Variants in CAMK2G observed in about 807,000 individuals in gnomAD.
CAMK2G encodes calcium/calmodulin dependent protein kinase II gamma, also known as calcium/calmodulin-dependent protein kinase type II subunit gamma.
CAMK2G carries 23 observed loss-of-function variants against 88.7 expected under a neutral mutation model. That is an observed-to-expected ratio of 0.26 (90% CI 0.19 to 0.37). The LOEUF is 0.37. CAMK2G is among the 10% of genes least tolerant of loss of function. The probability of loss-of-function intolerance (pLI) is 1.00; values close to 1 mark genes in which losing one functional copy is unlikely to be tolerated. For missense variants in CAMK2G, 476 were observed against 780.8 expected, an observed-to-expected ratio of 0.61 and a Z score of 4.65; for synonymous variants, 263 against 294.8, an observed-to-expected ratio of 0.89 and a Z score of 1.11.
intron 21 of CAMK2G, 126 bp from the exon 22 acceptor site, chr10:73,815,373 C>T: frequency 1.5e-6 from 1 of 656,632 alleles, no homozygotes; most frequent in East Asian, 2.7e-5. Flanking sequence ...AGTACCGCCC[C>T]CCCCCACCCC....
At chr10:73,857,234 T>TG (rs958009400) in intron 3 of CAMK2G, among the ~76,000 whole-genome samples, 2 of 152,210 alleles carry the variant, frequency 1.3e-5, no homozygotes, top group African/African-American at 4.8e-5. Flanking sequence ...GAGTCGAGGC[T>TG]GGGGGTCTTG....
chr10:73,852,609 C>T (rs533684010), intron 4 of CAMK2G: 16 of 428,420 alleles, frequency 3.7e-5, no homozygotes, highest in Admixed American at 3.5e-4. Flanking sequence ...AAACAGTCAA[C>T]CTACCCCAAA....
At chr10:73,820,766 AG>A (rs1338003905) in intron 18 of CAMK2G, among the ~76,000 whole-genome samples, 1 of 135,238 alleles carries the variant, frequency 7.4e-6, no homozygotes, top group African/African-American at 2.9e-5. Flanking sequence ...TCCACCTCCC[AG>A]GTTCAAGCGA....
At position 73,874,474 on chromosome 10, in the gene CAMK2G, G is replaced by GCGGA. The variant is rs765852981; in HGVS notation, c.-17_-14dup. 3 of 1,487,098 alleles carry GCGGA rather than the reference G, an allele frequency of 2.0e-6. No individual in the cohort carries two copies. The highest frequency in any genetic ancestry group is 2.7e-6 in the Non-Finnish European group (3 of 1,107,772). The allele number at this position is 1,487,098 out of a possible 1,614,324, so 92.1% of individuals were successfully genotyped here. A position where few individuals can be genotyped will look rare whatever the true frequency, so the allele number is the denominator to read the frequency against. On this transcript the variant is annotated 5_prime_UTR_variant, in exon 1 of 23. Transcript: ENST00000423381. ...CGGTGGTGGCCATGCTGGCGGGCGG[G>GCGGA]CGGACGCGGCGGTGCAGCCCGCGCC...
intron 2 of CAMK2G, among the ~76,000 whole-genome samples, chr10:73,865,714 C>T (rs1170856276): frequency 6.6e-6 from 1 of 152,226 alleles, no homozygotes; most frequent in Non-Finnish European, 1.5e-5. Flanking sequence ...GCTTGGTCCA[C>T]AGTGGGAGGG....
chr10:73,823,658 A>C (rs2089925559), intron 17 of CAMK2G, among the ~76,000 whole-genome samples: 1 of 152,208 alleles, frequency 6.6e-6, no homozygotes, highest in African/African-American at 2.4e-5. Flanking sequence ...GCTGGTGAAA[A>C]CATCAAGGGC....
chr10:73,858,290 G>A (rs373868860), intron 3 of CAMK2G, among the ~76,000 whole-genome samples: 7 of 152,216 alleles, frequency 4.6e-5, no homozygotes, highest in South Asian at 2.1e-4. Context: ...GGGCTGGCCC[G>A]TTTGTTTCCC....
chr10:73,829,368 C>T (rs1268329034), intron 14 of CAMK2G, among the ~76,000 whole-genome samples: 1 of 151,736 alleles, frequency 6.6e-6, no homozygotes, highest in African/African-American at 2.4e-5. Flanking sequence ...CATCTCGGCT[C>T]ACTGCAACCT....
chr10:73,817,459 A>C lies in CAMK2G; in HGVS notation c.1439+20T>G. 3 of 1,559,154 alleles carry C rather than the reference A, an allele frequency of 1.9e-6. No individual in the cohort carries two copies. Among genetic ancestry groups the C allele is most frequent in the Non-Finnish European group, 2.7e-6 (3 of 1,129,996 alleles). On this transcript the variant is annotated intron_variant, in intron 20 of 22. Transcript: ENST00000423381. The stretch of plus-strand genomic sequence containing the variant: ...TTGGGAGATGACTTAGGTCACAAAA[A>C]AAAATGGGTCTCTACTTACGTGTAG...
intron 12 of CAMK2G, among the ~76,000 whole-genome samples, chr10:73,840,004 G>A (rs2093642261): frequency 6.6e-6 from 1 of 152,178 alleles, no homozygotes; most frequent in Non-Finnish European, 1.5e-5. Context: ...AGCTAAATGA[G>A]CCCACGATGA....
intron 14 of CAMK2G, among the ~76,000 whole-genome samples, chr10:73,831,420 C>T (rs2092410876): frequency 6.6e-6 from 1 of 151,318 alleles, no homozygotes. Context: ...CGCCTGTAGT[C>T]CCAGCTACTT....
chr10:73,841,231 G>A (rs1187992024), intron 12 of CAMK2G, among the ~76,000 whole-genome samples: 1 of 152,222 alleles, frequency 6.6e-6, no homozygotes, highest in Non-Finnish European at 1.5e-5. Flanking sequence ...CTCCCACTGA[G>A]TGGTGGCTTA....
intron 2 of CAMK2G, among the ~76,000 whole-genome samples, chr10:73,869,804 A>C (rs1244613448): frequency 6.6e-6 from 1 of 152,384 alleles, no homozygotes; most frequent in Admixed American, 6.5e-5. Flanking sequence ...AACAGATTTC[A>C]AAACACTGTT....
chr10:73,815,924 T>C, intron 21 of CAMK2G: 19 of 985,428 alleles, frequency 1.9e-5, no homozygotes, highest in Non-Finnish European at 2.2e-5. Flanking sequence ...ATTCAAATGT[T>C]AGACAGGGGC....
In CAMK2G at chr10:73,852,238, C is replaced by A. The variant is rs749427465; in HGVS notation, c.341+16G>T. 4.4e-6 allele frequency: 7 copies of A among 1,607,630 alleles called. No homozygotes were observed. Among genetic ancestry groups the A allele is most frequent in the Non-Finnish European group, 4.3e-6 (5 of 1,174,194 alleles). ...AACTCCAGAGCTACATTTGAACTCT[C>A]GGGCCCTCATCCTACCTGGCATCTG... On this transcript the variant is annotated intron_variant, in intron 5 of 22. Coordinates refer to ENST00000423381, the MANE Select transcript of CAMK2G (RefSeq NM_001367534.1).
intron 17 of CAMK2G, among the ~76,000 whole-genome samples, chr10:73,821,977 T>C (rs2089012189): frequency 6.6e-6 from 1 of 152,176 alleles, no homozygotes. Context: ...CTTCTCTTTC[T>C]CTTTTTCCCT....
intron 3 of CAMK2G, among the ~76,000 whole-genome samples, chr10:73,855,944 CT>C (rs567727436): frequency 5.8e-4 from 85 of 146,832 alleles, no homozygotes; most frequent in Middle Eastern, 3.5e-3. Flanking sequence ...TTCATTATTT[CT>C]TTTTTTTTTT....
At chr10:73,866,819 T>G (rs2095613370) in intron 2 of CAMK2G, among the ~76,000 whole-genome samples, 1 of 152,140 alleles carries the variant, frequency 6.6e-6, no homozygotes, top group Non-Finnish European at 1.5e-5. Context: ...TCGCAGGGAT[T>G]TGATGTCATA....
At position 73,848,465 on chromosome 10, in the gene CAMK2G, G is replaced by T; in HGVS notation, c.601+61C>A. 2 of 1,055,618 alleles carry T rather than the reference G, an allele frequency of 1.9e-6. No homozygotes were observed. Among genetic ancestry groups the T allele is most frequent in the African/African-American group, 1.6e-5 (1 of 64,224 alleles). The allele number at this position is 1,055,618 out of a possible 1,614,324, so 65.4% of individuals were successfully genotyped here. A position where few individuals can be genotyped will look rare whatever the true frequency, so the allele number is the denominator to read the frequency against. ...CAAGGAATAGCGATGCCTCTTTCTT[G>T]CCATCATCGGAAGTTGAGGGCCCTT... On this transcript the variant is annotated intron_variant, in intron 8 of 22. Transcript: ENST00000423381. This position sits in a 1 kb window ranked among gnomAD's most constrained non-coding sequence, Gnocchi z 4.5.
Sources: gnomAD v4.1 joint callset for allele counts (sites outside exome capture counted in the v4.1 genomes callset) on GRCh38, gnomAD v4.1.1 for gene constraint, Gnocchi (gnomAD v3.1) non-coding constraint, MANE v1.5 for transcripts, NCBI Gene and HGNC (gene_info 2026-07-23, HGNC 2026-07-21) for gene names.